Variants in SGCZ observed in about 807,000 individuals in gnomAD.
SGCZ encodes the protein zeta-sarcoglycan.
A neutral mutation model predicts 41.3 loss-of-function variants in SGCZ; 40 were observed. The ratio of observed to expected loss-of-function variants is 0.97; its 90% CI spans 0.75 to 1.26. The LOEUF is 1.26. Ranked by LOEUF, SGCZ falls within the 50% of genes most tolerant of loss-of-function variation. The probability of loss-of-function intolerance (pLI) is 0.00; values close to 1 mark genes in which losing one functional copy is unlikely to be tolerated. For missense variants in SGCZ, 552 were observed against 369.8 expected (o/e 1.49, Z -4.04); for synonymous variants, 206 against 137.5 (o/e 1.50, Z -3.49).
At chr8:15,069,312 G>A (rs957999549) in intron 1 of SGCZ, among the ~76,000 whole-genome samples, 2 of 152,090 alleles carry the variant, frequency 1.3e-5, no homozygotes, top group Non-Finnish European at 2.9e-5. Context: ...AGGATTACAG[G>A]CATGAGCCAC....
chr8:15,215,152 G>C (rs1405935010), intron 1 of SGCZ, among the ~76,000 whole-genome samples: 1 of 152,058 alleles, frequency 6.6e-6, no homozygotes, highest in Non-Finnish European at 1.5e-5. Flanking sequence ...ATGCCTCTTA[G>C]TTAACTGAAG....
intron 2 of SGCZ, among the ~76,000 whole-genome samples, chr8:14,334,230 T>C (rs1325384858): frequency 6.6e-6 from 1 of 152,058 alleles, no homozygotes. Flanking sequence ...TCTTCTAGAC[T>C]CATAAGACAA....
In SGCZ at chr8:14,743,278, CTA is replaced by C. The variant is rs936231850; in HGVS notation, c.40-188354_40-188353del. Among the ~76,000 whole-genome samples the C allele has an allele frequency of 2.0e-4, 31 of 151,884 alleles. 1 individual carries two copies. Among genetic ancestry groups the C allele is most frequent in the Admixed American group, 1.5e-3 (23 of 15,226 alleles). ...TTACCTTTATTACTGAACATGAAAA[CTA>C]TGTTTACAAATAACCATATTTTACC... On this transcript the variant is annotated intron_variant, in intron 1 of 7. Transcript: ENST00000382080.
intron 2 of SGCZ, among the ~76,000 whole-genome samples, chr8:14,512,779 T>G (rs772009622): frequency 6.6e-6 from 1 of 151,994 alleles, no homozygotes; most frequent in African/African-American, 2.4e-5. Context: ...GCTCAAAATT[T>G]AATATTTAGA....
intron 1 of SGCZ, among the ~76,000 whole-genome samples, chr8:14,896,403 AT>A (rs1307356601): frequency 6.6e-6 from 1 of 152,126 alleles, no homozygotes; most frequent in African/African-American, 2.4e-5. Context: ...GCAAATAATG[AT>A]TCTACATTTC....
chr8:15,006,255 G>A (rs992803321), intron 1 of SGCZ, among the ~76,000 whole-genome samples: 4 of 152,272 alleles, frequency 2.6e-5, no homozygotes, highest in Admixed American at 1.3e-4. Context: ...GAACGGAATA[G>A]CAATGGCCAT....
chr8:14,447,384 T>C (rs67921330), intron 2 of SGCZ, among the ~76,000 whole-genome samples: 2 of 152,002 alleles, frequency 1.3e-5, no homozygotes, highest in Non-Finnish European at 2.9e-5. Flanking sequence ...GGGTAAAAAA[T>C]TCAACTTAAT....
chr8:14,866,941 T>C (rs1803953919), intron 1 of SGCZ, among the ~76,000 whole-genome samples: 1 of 152,110 alleles, frequency 6.6e-6, no homozygotes, highest in African/African-American at 2.4e-5. Context: ...GAGAGCACGC[T>C]GTTTTGTTTG....
chr8:14,776,053 G>A (rs1393519533), intron 1 of SGCZ, among the ~76,000 whole-genome samples: 1 of 152,092 alleles, frequency 6.6e-6, no homozygotes, highest in African/African-American at 2.4e-5. Flanking sequence ...GAAACAAAAT[G>A]AAGACATTCA....
At position 15,025,553 on chromosome 8, in the gene SGCZ, G is replaced by C. The variant is rs967745850; in HGVS notation, c.39+212032C>G. Reference sequence around the variant, plus strand: ...GAAAGAAAGTATACAGTGGTCAAAGGCTTCTTAGTTTGAAATCCCATTCTC... The same window carrying C: ...GAAAGAAAGTATACAGTGGTCAAAGCCTTCTTAGTTTGAAATCCCATTCTC... On this transcript the variant is annotated intron_variant, in intron 1 of 7. Transcript: ENST00000382080. 7.2e-5 allele frequency among the ~76,000 whole-genome samples: 11 copies of C among 152,100 alleles called. 1 individual carries two copies. The highest frequency in any genetic ancestry group is 2.7e-4 in the African/African-American group (11 of 41,418).
At chr8:14,517,449 C>A (rs895850103) in intron 2 of SGCZ, among the ~76,000 whole-genome samples, 1 of 151,926 alleles carries the variant, frequency 6.6e-6, no homozygotes, top group Non-Finnish European at 1.5e-5. Context: ...ACTTTGTGAA[C>A]CTAGAATAAT....
intron 2 of SGCZ, among the ~76,000 whole-genome samples, chr8:14,327,537 T>C (rs1245395826): frequency 1.3e-5 from 2 of 152,174 alleles, no homozygotes; most frequent in Non-Finnish European, 2.9e-5. Flanking sequence ...AACACAATTG[T>C]AATTCCCATT....
chr8:14,250,417 T>C (rs927043742), intron 3 of SGCZ, among the ~76,000 whole-genome samples: 1 of 152,116 alleles, frequency 6.6e-6, no homozygotes, highest in African/African-American at 2.4e-5. Flanking sequence ...TTAAGCTACA[T>C]TTTCTAATCT....
Position 14,838,585 on chromosome 8 carries a change from C to A in SGCZ, c.40-283659G>T, listed in dbSNP as rs1050146941. Among the ~76,000 whole-genome samples, 5 of 152,244 alleles carry A rather than the reference C, an allele frequency of 3.3e-5. 1 individual carries two copies. The South Asian group carries it at 6.2e-4, about 19-fold the overall frequency. Reference sequence around the variant, plus strand: ...AGGCAATCTGAAGCTGTTTACCTCCCCTGCCTTGCTTTTCCCTTAGAATTC... The same window carrying A: ...AGGCAATCTGAAGCTGTTTACCTCCACTGCCTTGCTTTTCCCTTAGAATTC... On this transcript the variant is annotated intron_variant, in intron 1 of 7. Transcript: ENST00000382080.
At chr8:14,217,758 T>C (rs943469553) in intron 4 of SGCZ, among the ~76,000 whole-genome samples, 1 of 149,924 alleles carries the variant, frequency 6.7e-6, no homozygotes, top group African/African-American at 2.5e-5. Flanking sequence ...GCCTCCAAAG[T>C]AGCTGCGATT....
intron 4 of SGCZ, among the ~76,000 whole-genome samples, chr8:14,186,890 C>A (rs1804922303): frequency 6.6e-6 from 1 of 152,116 alleles, no homozygotes; most frequent in African/African-American, 2.4e-5. Context: ...AGCTCTGAGT[C>A]AGAACAAATT....
At chr8:15,233,310 T>C (rs1210027284) in intron 1 of SGCZ, among the ~76,000 whole-genome samples, 1 of 148,672 alleles carries the variant, frequency 6.7e-6, no homozygotes, top group Non-Finnish European at 1.5e-5. Flanking sequence ...GGGCTGAGTG[T>C]CTTATTGATT....
chr8:14,319,131 C>T (rs9643919), intron 3 of SGCZ, among the ~76,000 whole-genome samples: 21,663 of 151,862 alleles, frequency 0.14, 1,943 homozygotes, highest in East Asian at 0.41. Context: ...TTATTGCTTT[C>T]TCTGAAGTAG....
At chr8:14,573,846 G>A (rs1267057704) in intron 1 of SGCZ, among the ~76,000 whole-genome samples, 5 of 152,122 alleles carry the variant, frequency 3.3e-5, no homozygotes, top group African/African-American at 1.2e-4. Flanking sequence ...AGAAATGGAA[G>A]AGTTTTCTGA....
Sources: allele counts gnomAD v4.1 joint callset (sites outside exome capture counted in the v4.1 genomes callset), GRCh38; gene constraint gnomAD v4.1.1; transcripts MANE v1.5; gene names NCBI Gene and HGNC (gene_info 2026-07-23, HGNC 2026-07-21).